The following RCBTB2 variants were observed in gnomAD, a reference collection of about 807,000 sequenced individuals.
The protein encoded by RCBTB2 is RCC1 and BTB domain containing protein 2, also known as RCC1 and BTB domain-containing protein 2.
Under a neutral mutation model 65.4 loss-of-function variants are expected in RCBTB2, and 55 were observed. That is an observed-to-expected ratio of 0.84 (90% CI 0.68 to 1.05). RCBTB2 has a LOEUF of 1.05. RCBTB2 is among the 50% of genes least tolerant of loss of function. RCBTB2 has a pLI of 0.00. For missense variants in RCBTB2, 599 were observed against 680.1 expected, an observed-to-expected ratio of 0.88 and a Z score of 1.33; for synonymous variants, 220 against 255.2, an observed-to-expected ratio of 0.86 and a Z score of 1.31.
chr13:48,524,912 GA>G (rs1483264759), intron 1 of RCBTB2, among the ~76,000 whole-genome samples, 155 bp from the exon 2 acceptor site: 7 of 152,100 alleles, frequency 4.6e-5, no homozygotes, highest in Admixed American at 4.6e-4. Flanking sequence ...CAGCAGCAGA[GA>G]TGCTCTATTA....
intron 1 of RCBTB2, 124 bp downstream of exon 1, chr13:48,532,904 C>T (rs1555312964): frequency 2.3e-5 from 10 of 444,140 alleles, no homozygotes; most frequent in South Asian, 1.4e-4. Context: ...CCTCAGCTGT[C>T]TCTGGCGGGG....
intron 1 of RCBTB2, among the ~76,000 whole-genome samples, chr13:48,525,054 T>A (rs1215111853): frequency 6.6e-6 from 1 of 151,950 alleles, no homozygotes; most frequent in Admixed American, 6.6e-5. Context: ...TCTATAGTAT[T>A]TCCATATGGA....
intron 12 of RCBTB2, 69 bp from the exon 13 acceptor site, chr13:48,499,829 C>T (rs540091027): frequency 5.1e-6 from 8 of 1,579,564 alleles, no homozygotes; most frequent in Middle Eastern, 1.7e-4. Flanking sequence ...GTGAGGACCA[C>T]GTTCTTCTCT....
Position 48,489,622 on chromosome 13 carries a change from C to T in RCBTB2, c.*489G>A, listed in dbSNP as rs575927945. ...GTTTATTTTGTGAAAGTTATTCCTT[C>T]TCCCAGTATTCCATGACTAAAGCTG... On this transcript the variant is annotated 3_prime_UTR_variant, in exon 15 of 15. Transcript: ENST00000344532. 2 of 152,664 alleles carry T rather than the reference C, an allele frequency of 1.3e-5. No homozygotes were observed. Among genetic ancestry groups the T allele is most frequent in the African/African-American group, 2.4e-5 (1 of 41,580 alleles). 9.5% of individuals were successfully genotyped at this position (152,664 alleles called of 1,614,324 possible).
At chr13:48,504,566 C>T (rs1950396819) in intron 10 of RCBTB2, among the ~76,000 whole-genome samples, 1 of 152,222 alleles carries the variant, frequency 6.6e-6, no homozygotes, top group Non-Finnish European at 1.5e-5. Flanking sequence ...CTGTCCACAC[C>T]ATTCCAGCCT....
At chr13:48,504,874 G>A (rs753944522) in intron 10 of RCBTB2, among the ~76,000 whole-genome samples, 5 of 152,064 alleles carry the variant, frequency 3.3e-5, no homozygotes, top group Non-Finnish European at 5.9e-5. Flanking sequence ...GTACCGGCTC[G>A]CCTCAGAGGC....
chr13:48,527,054 G>T (rs1049699750), intron 1 of RCBTB2, among the ~76,000 whole-genome samples: 10 of 151,602 alleles, frequency 6.6e-5, no homozygotes, highest in African/African-American at 2.4e-4. Flanking sequence ...GTATTAAAAT[G>T]GCAAAAATGT....
At chr13:48,523,922 G>A (rs1211297670) in intron 2 of RCBTB2, among the ~76,000 whole-genome samples, 1 of 152,114 alleles carries the variant, frequency 6.6e-6, no homozygotes, top group Non-Finnish European at 1.5e-5. Context: ...TTGTATGTAT[G>A]TCATGGAAAT....
rs576918855 is a variant in RCBTB2, at chr13:48,500,880, C to T, written c.1244+862G>A. Among the ~76,000 whole-genome samples the T allele has an allele frequency of 5.3e-5, 8 of 152,188 alleles. No homozygotes were observed. In the East Asian group the frequency reaches 9.6e-4, roughly 18 times the overall value. ...ATGTGATATAGAGAGAGTGAGCAAA[C>T]GCTGCACAGCTTGATCTTACTAAAG... On this transcript the variant is annotated intron_variant, in intron 12 of 14. Transcript: ENST00000344532.
chr13:48,527,731 T>G (rs1951885834), intron 1 of RCBTB2, among the ~76,000 whole-genome samples: 1 of 152,220 alleles, frequency 6.6e-6, no homozygotes, highest in Non-Finnish European at 1.5e-5. Context: ...AATTTATTTT[T>G]AAAGTATCCC....
chr13:48,499,269 C>A (rs1201402847), intron 13 of RCBTB2, among the ~76,000 whole-genome samples: 2 of 152,100 alleles, frequency 1.3e-5, no homozygotes, highest in African/African-American at 2.4e-5. Context: ...GCCTCCTAAG[C>A]CACTGGGCAC....
At chr13:48,497,235 A>G (rs983554670) in intron 13 of RCBTB2, among the ~76,000 whole-genome samples, 11 of 151,972 alleles carry the variant, frequency 7.2e-5, no homozygotes, top group Non-Finnish European at 1.6e-4. Flanking sequence ...CTGACTTCCA[A>G]ATGTTTGAGT....
intron 4 of RCBTB2, among the ~76,000 whole-genome samples, chr13:48,518,490 T>TATATATAC (rs1462673574): frequency 1.4e-5 from 2 of 146,150 alleles, no homozygotes; most frequent in East Asian, 3.9e-4. Flanking sequence ...TATATATATA[T>TATATATAC]ATATATTTAC....
chr13:48,493,276 CCTCTCT>C (rs150104825), intron 14 of RCBTB2, among the ~76,000 whole-genome samples: 4,978 of 127,000 alleles, frequency 0.039, 328 homozygotes, highest in African/African-American at 0.13. Context: ...TCTCTCTCAC[CCTCTCT>C]CTCTCTCCAC....
intron 6 of RCBTB2, among the ~76,000 whole-genome samples, chr13:48,513,769 T>C (rs1455384884): frequency 6.6e-6 from 1 of 152,236 alleles, no homozygotes; most frequent in Non-Finnish European, 1.5e-5. Context: ...ATAATTTTAA[T>C]GCCTGATATT....
rs781740063 is a variant in RCBTB2 at position 48,515,582 on chromosome 13, T to C, written c.198+4A>G. On this transcript the variant is annotated splice_donor_region_variant and intron_variant, in intron 5 of 14. Transcript: ENST00000344532. ...AGTAGCTGATTTATTTTCTTCAAAA[T>C]TACCTCATCATTTACTGTAGTGTAT... The C allele has an allele frequency of 2.3e-5, 37 of 1,583,408 alleles. No individual in the cohort carries two copies. Among genetic ancestry groups the C allele is most frequent in the Non-Finnish European group, 2.9e-5 (34 of 1,169,454 alleles).
At chr13:48,499,487 T>C in intron 13 of RCBTB2, 134 bp downstream of exon 13, 1 of 877,964 alleles carries the variant, frequency 1.1e-6, no homozygotes, top group Non-Finnish European at 1.8e-6. Flanking sequence ...AAGGGAAACG[T>C]GTTTGGATTC....
chr13:48,511,972 T>C (rs1270322808), intron 8 of RCBTB2, 44 bp downstream of exon 8: 7 of 1,607,960 alleles, frequency 4.4e-6, no homozygotes, highest in Admixed American at 1.7e-5. Flanking sequence ...GAGACTGATG[T>C]GGCAAACACG....
In RCBTB2 at chr13:48,503,712, C is replaced by T. The variant is rs1001187433; in HGVS notation, c.927-798G>A. Among the ~76,000 whole-genome samples, 9 of 152,280 alleles carry T rather than the reference C, an allele frequency of 5.9e-5. No individual in the cohort carries two copies. In the South Asian group the frequency reaches 1.0e-3, roughly 18 times the overall value. ...TACAGGTGCAAGCCACCACACCTGA[C>T]TAACTTTTGTATTTTTTGTAGAGAC... On this transcript the variant is annotated intron_variant, in intron 10 of 14. Transcript: ENST00000344532.
Sources: allele counts gnomAD v4.1 joint callset (sites outside exome capture counted in the v4.1 genomes callset), GRCh38; gene constraint gnomAD v4.1.1; transcripts MANE v1.5; gene names NCBI Gene and HGNC (gene_info 2026-07-23, HGNC 2026-07-21).